Variants in PGS1 observed in about 807,000 individuals in gnomAD.
PGS1 encodes the protein CDP-diacylglycerol--glycerol-3-phosphate 3-phosphatidyltransferase, mitochondrial.
Under a neutral mutation model 58.3 loss-of-function variants are expected in PGS1, and 44 were observed. The observed-to-expected ratio is 0.75, with a 90% CI of 0.59 to 0.97. PGS1 has a LOEUF of 0.97. PGS1 is among the 50% of genes least tolerant of loss of function. The pLI, the probability that PGS1 is intolerant of heterozygous loss-of-function variation, is 0.00. For synonymous variants in PGS1, 330 were observed against 311.0 expected, an observed-to-expected ratio of 1.06 and a Z score of -0.64; for missense variants, 684 against 731.1, an observed-to-expected ratio of 0.94 and a Z score of 0.74.
chr17:78,416,067 C>G (rs1189359151), intron 8 of PGS1, among the ~76,000 whole-genome samples: 1 of 152,188 alleles, frequency 6.6e-6, no homozygotes, highest in East Asian at 1.9e-4. Context: ...GGGATCTGTC[C>G]TCCTGCAGCC....
intron 7 of PGS1, among the ~76,000 whole-genome samples, chr17:78,410,686 C>A (rs1000815315): frequency 1.5e-4 from 23 of 152,044 alleles, no homozygotes; most frequent in African/African-American, 5.3e-4. Context: ...GATGGCCAGG[C>A]TGGTTTTGAA....
In PGS1 at chr17:78,400,912, G is replaced by A. The variant is rs556623456; in HGVS notation, c.880+57G>A. The A allele has an allele frequency of 3.1e-5, 44 of 1,437,002 alleles. No individual in the cohort carries two copies. Among genetic ancestry groups the A allele is most frequent in the Admixed American group, 8.7e-5 (4 of 46,022 alleles). The allele number at this position is 1,437,002 out of a possible 1,614,324, so 89.0% of individuals were successfully genotyped here. ...TGTGGGTGGGGTGGAGTGAGGGCCCGGGAGAGCACAACTCTAGGTGGTTCT... is the reference window on the plus strand; with the variant it reads ...TGTGGGTGGGGTGGAGTGAGGGCCCAGGAGAGCACAACTCTAGGTGGTTCT... On this transcript the variant is annotated intron_variant, in intron 6 of 9. Coordinates refer to ENST00000262764, the MANE Select transcript of PGS1 (RefSeq NM_024419.5). This position sits in a 1 kb window ranked among gnomAD's most constrained non-coding sequence, Gnocchi z 4.4.
intron 1 of PGS1, among the ~76,000 whole-genome samples, chr17:78,385,707 C>T (rs904515981): frequency 6.6e-6 from 1 of 152,228 alleles, no homozygotes; most frequent in African/African-American, 2.4e-5. Flanking sequence ...CAGCCGTGAG[C>T]CACTGTGCCC....
Position 78,378,756 on chromosome 17 carries a change from C to T in PGS1, c.91C>T (p.Leu31=), listed in dbSNP as rs369995098. 1.6e-3 allele frequency: 2,323 copies of T among 1,498,680 alleles called. 23 individuals are homozygous for T. The African/African-American group carries it at 0.024, about 15-fold the overall frequency. The allele number at this position is 1,498,680 out of a possible 1,614,324, so 92.8% of individuals were successfully genotyped here. ...LPGRPGLAAL[L]GRLSDRLGRN... ...TGGCCGCCCAGGGCTGGCCGCGCTC[C>T]TGGGACGCCTGTCCGACCGCCTCGG... Residue 31 remains leucine, a synonymous_variant, in exon 1 of 10, where the codon CTG becomes TTG. Transcript: ENST00000262764.
At chr17:78,423,509 T>G (rs1194401810) in intron 9 of PGS1, among the ~76,000 whole-genome samples, 1 of 152,146 alleles carries the variant, frequency 6.6e-6, no homozygotes, top group Non-Finnish European at 1.5e-5. Flanking sequence ...CCAGAGGGTG[T>G]GAGTGCCAAG....
intron 9 of PGS1, 141 bp from the exon 10 acceptor site, chr17:78,423,920 G>GC: frequency 6.2e-7 from 1 of 1,614,026 alleles, no homozygotes; most frequent in African/African-American, 1.3e-5. Context: ...ACCTGTAGGA[G>GC]CAGCGCCACG....
At chr17:78,391,534 G>A (rs1302342865) in intron 1 of PGS1, among the ~76,000 whole-genome samples, 5 of 152,150 alleles carry the variant, frequency 3.3e-5, no homozygotes, top group African/African-American at 1.2e-4. Flanking sequence ...CTGGGGTGCA[G>A]TGGTGCGATC....
chr17:78,413,354 G>T (rs2084891165), intron 7 of PGS1, among the ~76,000 whole-genome samples: 1 of 152,164 alleles, frequency 6.6e-6, no homozygotes, highest in African/African-American at 2.4e-5. Flanking sequence ...CTTTGAAAGG[G>T]GTGTGTCAGT....
At chr17:78,414,234 G>A (rs1598376441) in intron 7 of PGS1, among the ~76,000 whole-genome samples, 2 of 152,220 alleles carry the variant, frequency 1.3e-5, no homozygotes, top group South Asian at 4.1e-4. Flanking sequence ...CCCAGGACCT[G>A]TAAGGCAGCC....
chr17:78,389,078 G>A (rs551566067), intron 1 of PGS1, among the ~76,000 whole-genome samples: 2 of 75,778 alleles, frequency 2.6e-5, no homozygotes, highest in Admixed American at 1.5e-4. Context: ...TTTTTTTTGC[G>A]GGGGGACAGA....
intron 7 of PGS1, among the ~76,000 whole-genome samples, chr17:78,407,463 G>T (rs1448685922): frequency 6.6e-6 from 1 of 152,228 alleles, no homozygotes; most frequent in African/African-American, 2.4e-5. Flanking sequence ...TCGATGGCTG[G>T]CCCAGTGGAC....
At chr17:78,418,612 A>G (rs1023162950) in intron 8 of PGS1, among the ~76,000 whole-genome samples, 2 of 152,212 alleles carry the variant, frequency 1.3e-5, no homozygotes, top group Non-Finnish European at 2.9e-5. Context: ...GGTGGTTTCC[A>G]GTTTTTCCTT....
chr17:78,411,270 A>AT (rs931187165), intron 7 of PGS1, among the ~76,000 whole-genome samples: 1 of 152,112 alleles, frequency 6.6e-6, no homozygotes, highest in African/African-American at 2.4e-5. Context: ...GGCCTATTGG[A>AT]AAGGGCCCAG....
At chr17:78,405,810 C>T (rs1252240430) in intron 7 of PGS1, among the ~76,000 whole-genome samples, 1 of 152,134 alleles carries the variant, frequency 6.6e-6, no homozygotes, top group Non-Finnish European at 1.5e-5. Context: ...GTCCAGAGGC[C>T]TGTTTTGCTC....
intron 8 of PGS1, among the ~76,000 whole-genome samples, chr17:78,416,751 G>A (rs2085224073): frequency 6.6e-6 from 1 of 152,194 alleles, no homozygotes; most frequent in African/African-American, 2.4e-5. Context: ...TGATTTCTCT[G>A]CCTGTGAAAC....
rs780816714 is a variant in PGS1, at chr17:78,419,581, G to A, written c.1587G>A (p.Val529=). 6.2e-7 allele frequency: 1 copy of A among 1,614,118 alleles called. No homozygotes were observed. The highest frequency in any genetic ancestry group is 8.5e-7 in the Non-Finnish European group (1 of 1,179,982). ...QEQLYLRSGV[V]SSATFEQPSR... ...AGCTCTACCTGAGGTCAGGTGTGGT[G>A]TCCTCTGCCACCTTCGAGCAGCCGA... Residue 529 remains valine, a synonymous_variant, in exon 9 of 10, where the codon GTG becomes GTA. Coordinates refer to ENST00000262764, the MANE Select transcript of PGS1 (RefSeq NM_024419.5).
intron 1 of PGS1, among the ~76,000 whole-genome samples, 161 bp downstream of exon 1, chr17:78,378,969 C>T (rs2081835572): frequency 6.6e-6 from 1 of 152,212 alleles, no homozygotes; most frequent in Non-Finnish European, 1.5e-5. Flanking sequence ...GACCTATGTG[C>T]TTCTTCACTG....
intron 9 of PGS1, among the ~76,000 whole-genome samples, chr17:78,423,471 T>G (rs563279357): frequency 1.3e-3 from 196 of 152,266 alleles, no homozygotes; most frequent in Admixed American, 2.0e-3. Flanking sequence ...GTCCCCTCAT[T>G]GGCAGGTGGT....
chr17:78,397,918 TG>T (rs1267084291), intron 3 of PGS1, among the ~76,000 whole-genome samples: 1 of 152,234 alleles, frequency 6.6e-6, no homozygotes, highest in Non-Finnish European at 1.5e-5. Flanking sequence ...TGGTTGTGTC[TG>T]TGAGGATTGT....
Sources: allele counts gnomAD v4.1 joint callset (sites outside exome capture counted in the v4.1 genomes callset), GRCh38; gene constraint gnomAD v4.1.1; non-coding constraint Gnocchi (gnomAD v3.1); transcripts MANE v1.5; gene names NCBI Gene and HGNC (gene_info 2026-07-23, HGNC 2026-07-21).